LRRC40: variants seen among roughly 807,000 people sequenced by gnomAD.
The protein encoded by LRRC40 is leucine-rich repeat-containing protein 40.
LRRC40 carries 76 observed loss-of-function variants against 72.8 expected under a neutral mutation model. The observed-to-expected ratio is 1.04, with a 90% CI of 0.87 to 1.26. The LOEUF (loss-of-function observed/expected upper bound fraction) is 1.26, where lower values mean the gene tolerates loss of function less well. Ranked by LOEUF, LRRC40 falls within the 50% of genes most tolerant of loss-of-function variation. The pLI is 0.00. For synonymous variants in LRRC40, 243 were observed against 254.2 expected, an observed-to-expected ratio of 0.96 and a Z score of 0.42; for missense variants, 684 against 698.9, an observed-to-expected ratio of 0.98 and a Z score of 0.24.
chr1:70,169,076 T>TG (rs1667948399), intron 9 of LRRC40, among the ~76,000 whole-genome samples: 1 of 151,908 alleles, frequency 6.6e-6, no homozygotes, highest in African/African-American at 2.4e-5. Context: ...GGGTCCCAGG[T>TG]GGGGGAGAAC....
At chr1:70,203,063 G>T (rs1206137746) in intron 1 of LRRC40, among the ~76,000 whole-genome samples, 1 of 152,092 alleles carries the variant, frequency 6.6e-6, no homozygotes, top group African/African-American at 2.4e-5. Flanking sequence ...TCTAATTCTT[G>T]TATTTTTTGT....
At chr1:70,166,469 G>A (rs1667881561) in intron 9 of LRRC40, among the ~76,000 whole-genome samples, 1 of 152,040 alleles carries the variant, frequency 6.6e-6, no homozygotes, top group African/African-American at 2.4e-5. Flanking sequence ...AGACCAGAAT[G>A]AGCAAATAAC....
intron 9 of LRRC40, among the ~76,000 whole-genome samples, chr1:70,166,661 TAA>T (rs201660385): frequency 3.6e-5 from 5 of 139,294 alleles, no homozygotes; most frequent in Non-Finnish European, 1.6e-5. Flanking sequence ...CGCTTCTAAA[TAA>T]AAAAAAAAAA....
At chr1:70,172,548 T>C (rs759894000) in intron 9 of LRRC40, among the ~76,000 whole-genome samples, 21 of 152,312 alleles carry the variant, frequency 1.4e-4, no homozygotes, top group Middle Eastern at 3.4e-3. Context: ...ATCTTGGCTT[T>C]CTGTTCATAA....
At chr1:70,152,747 T>C (rs895372411) in intron 11 of LRRC40, among the ~76,000 whole-genome samples, 5 of 152,314 alleles carry the variant, frequency 3.3e-5, no homozygotes, top group Middle Eastern at 3.4e-3. Context: ...CACTCTTATC[T>C]GTCCAAAAGT....
At chr1:70,190,677 TAAAA>T (rs59341874) in intron 1 of LRRC40, among the ~76,000 whole-genome samples, 1 of 54,358 alleles carries the variant, frequency 1.8e-5, no homozygotes, top group Admixed American at 2.0e-4. Context: ...ACCCTGTCTC[TAAAA>T]AAAAAAAAAA....
intron 6 of LRRC40, among the ~76,000 whole-genome samples, chr1:70,176,413 T>A (rs945901309): frequency 2.0e-5 from 3 of 151,160 alleles, no homozygotes; most frequent in Admixed American, 1.3e-4. Context: ...GTGCCTGTAG[T>A]CCCAGCTACT....
chr1:70,183,956 T>G (rs1373929714), intron 4 of LRRC40, among the ~76,000 whole-genome samples: 1 of 152,186 alleles, frequency 6.6e-6, no homozygotes, highest in African/African-American at 2.4e-5. Flanking sequence ...TTATTATTCT[T>G]AATAATACGA....
chr1:70,192,958 C>G (rs543722910), intron 1 of LRRC40, among the ~76,000 whole-genome samples: 40 of 151,838 alleles, frequency 2.6e-4, no homozygotes, highest in Non-Finnish European at 1.5e-4. Context: ...TACCCTTGAA[C>G]CTAAAATAAA....
intron 10 of LRRC40, among the ~76,000 whole-genome samples, chr1:70,156,746 T>C (rs1026537277): frequency 3.8e-4 from 58 of 152,300 alleles, no homozygotes; most frequent in African/African-American, 1.4e-3. Flanking sequence ...GGATGATTCA[T>C]GTCCCAGGTC....
intron 9 of LRRC40, among the ~76,000 whole-genome samples, chr1:70,163,088 T>G (rs1160367880): frequency 2.0e-5 from 3 of 151,442 alleles, no homozygotes; most frequent in Non-Finnish European, 4.4e-5. Flanking sequence ...TCTTTTTTTT[T>G]TTTTTTGAGA....
chr1:70,148,705 C>G, intron 13 of LRRC40, 33 bp from the exon 14 acceptor site: 1 of 1,357,186 alleles, frequency 7.4e-7, no homozygotes, highest in Non-Finnish European at 1.0e-6. Flanking sequence ...CCTAAATATA[C>G]TGGAATCAGA....
chr1:70,166,812 A>C (rs1380877052), intron 9 of LRRC40, among the ~76,000 whole-genome samples: 1 of 152,126 alleles, frequency 6.6e-6, no homozygotes, highest in Non-Finnish European at 1.5e-5. Context: ...TTAAACAATA[A>C]GGCCATTCCT....
chr1:70,185,606 T>C (rs1668344234), intron 3 of LRRC40, among the ~76,000 whole-genome samples: 1 of 152,194 alleles, frequency 6.6e-6, no homozygotes. Flanking sequence ...GACTAATACA[T>C]ACTATAACTG....
At chr1:70,150,446 G>A (rs912070504) in intron 13 of LRRC40, among the ~76,000 whole-genome samples, 4 of 152,136 alleles carry the variant, frequency 2.6e-5, no homozygotes, top group African/African-American at 9.7e-5. Context: ...TTGTAAGCCT[G>A]AGCTATTACA....
At chr1:70,156,202 G>A (rs1399811971) in intron 10 of LRRC40, among the ~76,000 whole-genome samples, 1 of 152,080 alleles carries the variant, frequency 6.6e-6, no homozygotes, top group East Asian at 1.9e-4. Flanking sequence ...TGTCAAATTT[G>A]TTTGGGTATA....
chr1:70,187,222 C>A, intron 3 of LRRC40, 43 bp downstream of exon 3: 3 of 886,926 alleles, frequency 3.4e-6, no homozygotes, highest in South Asian at 3.0e-5. Context: ...AGATTTAAAC[C>A]ATTATAAGGG....
At chr1:70,205,300 G>A in intron 1 of LRRC40, 90 bp downstream of exon 1, 9 of 1,282,864 alleles carry the variant, frequency 7.0e-6, no homozygotes, top group Non-Finnish European at 9.6e-6. Flanking sequence ...CTGAGAAAGG[G>A]GGCCAAAGCC....
chr1:70,189,534 T>A (rs1232299199), intron 1 of LRRC40, among the ~76,000 whole-genome samples: 1 of 152,176 alleles, frequency 6.6e-6, no homozygotes, highest in East Asian at 1.9e-4. Context: ...TTTACTAGGT[T>A]TACATACACT....
Sources: allele counts gnomAD v4.1 joint callset (sites outside exome capture counted in the v4.1 genomes callset), GRCh38; gene constraint gnomAD v4.1.1; transcripts MANE v1.5; gene names NCBI Gene and HGNC (gene_info 2026-07-23, HGNC 2026-07-21).